Variants in RNF157 observed in about 807,000 individuals in gnomAD.
RNF157 encodes E3 ubiquitin ligase RNF157.
In RNF157, 55 loss-of-function variants were observed where a neutral mutation model predicts 88.3. The observed-to-expected ratio is 0.62, with a 90% CI of 0.50 to 0.78. The LOEUF is 0.78. Ranked by LOEUF, RNF157 falls within the 30% of genes least tolerant of loss-of-function variation. The pLI is 0.00. For synonymous variants in RNF157, 334 were observed against 341.2 expected, an observed-to-expected ratio of 0.98 and a Z score of 0.23; for missense variants, 788 against 860.8, an observed-to-expected ratio of 0.92 and a Z score of 1.06.
At position 76,167,731 on chromosome 17, in the gene RNF157, C is replaced by T. The variant is rs1275513620; in HGVS notation, c.363G>A (p.Glu121=). 1.9e-6 allele frequency: 3 copies of T among 1,614,028 alleles called. No homozygotes were observed. The highest frequency in any genetic ancestry group is 8.5e-7 in the Non-Finnish European group (1 of 1,180,012). ...ASKAKVHYNV[E]FTFDTDARVA... ...CCCGAGCATCTGTGTCAAAGGTGAA[C>T]TCAACATTGTAGTGGACTTTAGCTT... The change falls in exon 4 of 19, where the codon GAG becomes GAA. Residue 121 remains glutamate (E), a synonymous_variant. Transcript: ENST00000269391.
chr17:76,181,907 C>CA (rs36009510), intron 2 of RNF157, among the ~76,000 whole-genome samples: 13,987 of 75,508 alleles, frequency 0.19, 1,283 homozygotes, highest in African/African-American at 0.34. Flanking sequence ...GACTCTGTCT[C>CA]AAAAAAAAAA....
At chr17:76,233,679 C>T (rs2070233491) in intron 1 of RNF157, among the ~76,000 whole-genome samples, 1 of 152,082 alleles carries the variant, frequency 6.6e-6, no homozygotes. Context: ...TGATATCATG[C>T]CACCATGCCC....
rs1159266520 is a variant in RNF157 at position 76,145,257 on chromosome 17, A to G, written c.2018T>C (p.Val673Ala). The G allele has an allele frequency of 6.2e-7, 1 of 1,606,490 alleles. No homozygotes were observed. The highest frequency in any genetic ancestry group is 1.3e-5 in the African/African-American group (1 of 74,896). ...SLEDSETRPC[V>A]WGPLAV ...GGCTCAGACAGCCAAAGGGCCCCACACACAGGGCCTCGTCTCAGAGTCCTC... is the reference window on the plus strand; with the variant it reads ...GGCTCAGACAGCCAAAGGGCCCCACGCACAGGGCCTCGTCTCAGAGTCCTC... Residue 673 changes from valine to alanine, a missense_variant, in exon 19 of 19, where the codon GTG becomes GCG. Physicochemically the swap from Val to Ala is moderately conservative, Grantham distance 64. Coordinates refer to ENST00000269391, the MANE Select transcript of RNF157 (RefSeq NM_052916.3).
intron 1 of RNF157, among the ~76,000 whole-genome samples, chr17:76,224,077 T>A (rs895236653): frequency 6.6e-6 from 1 of 152,176 alleles, no homozygotes; most frequent in African/African-American, 2.4e-5. Context: ...GAGGGAGCCC[T>A]ACCCTATCAA....
At chr17:76,206,804 C>A (rs945015378) in intron 2 of RNF157, among the ~76,000 whole-genome samples, 1 of 152,232 alleles carries the variant, frequency 6.6e-6, no homozygotes, top group Middle Eastern at 3.4e-3. Flanking sequence ...CAGTGAAGAA[C>A]CCTACCTAGA....
At chr17:76,230,484 AAG>A (rs1337459688) in intron 1 of RNF157, among the ~76,000 whole-genome samples, 1 of 152,140 alleles carries the variant, frequency 6.6e-6, no homozygotes, top group East Asian at 1.9e-4. Flanking sequence ...GTTATCTTCT[AAG>A]AGTTTCCTAC....
At chr17:76,179,635 G>C (rs2069158819) in intron 2 of RNF157, among the ~76,000 whole-genome samples, 1 of 152,078 alleles carries the variant, frequency 6.6e-6, no homozygotes, top group South Asian at 2.1e-4. Flanking sequence ...GGAGGTTGCA[G>C]TGAGCTGAGC....
intron 2 of RNF157, chr17:76,202,749 C>A: frequency 1.3e-5 from 2 of 156,154 alleles, no homozygotes; most frequent in South Asian, 3.9e-4. Flanking sequence ...TCAAACAAGT[C>A]ACAACAATGA....
intron 1 of RNF157, among the ~76,000 whole-genome samples, chr17:76,217,404 T>A (rs574843223): frequency 7.2e-5 from 11 of 152,192 alleles, no homozygotes; most frequent in Non-Finnish European, 1.3e-4. Context: ...TGAACCCCTC[T>A]AGCAGCTTGC....
intron 8 of RNF157, 154 bp downstream of exon 8, chr17:76,164,594 T>C: frequency 2.0e-6 from 1 of 498,180 alleles, no homozygotes; most frequent in South Asian, 3.6e-5. Context: ...CTCCCTTTTT[T>C]TCTTTTCTTC....
chr17:76,152,254 AG>A, intron 18 of RNF157, 100 bp downstream of exon 18: 4 of 792,504 alleles, frequency 5.0e-6, no homozygotes, highest in Admixed American at 1.9e-5. Flanking sequence ...CCTTCTTGGC[AG>A]GAACTGCAGG....
At chr17:76,212,995 C>A (rs1311865496) in intron 1 of RNF157, among the ~76,000 whole-genome samples, 1 of 152,168 alleles carries the variant, frequency 6.6e-6, no homozygotes, top group East Asian at 1.9e-4. Context: ...ACCCCAGATA[C>A]CAAACGTAGA....
chr17:76,228,855 C>A (rs905937680), intron 1 of RNF157, among the ~76,000 whole-genome samples: 3 of 151,942 alleles, frequency 2.0e-5, no homozygotes, highest in Non-Finnish European at 4.4e-5. Context: ...ACCTGGGAGG[C>A]AGAGGTTGCA....
chr17:76,209,447 GT>G (rs763839965), intron 2 of RNF157, among the ~76,000 whole-genome samples: 5 of 151,526 alleles, frequency 3.3e-5, no homozygotes, highest in Admixed American at 6.6e-5. Context: ...ACAGAAACTC[GT>G]AAACTTTCTT....
chr17:76,236,642 T>C (rs1207581335), intron 1 of RNF157, among the ~76,000 whole-genome samples: 1 of 152,216 alleles, frequency 6.6e-6, no homozygotes, highest in Non-Finnish European at 1.5e-5. Context: ...TATTAATAAA[T>C]CTAAAAATCA....
chr17:76,235,679 TAAC>T lies in RNF157; in HGVS notation c.88+4471_88+4473del, dbSNP rs139254679. On this transcript the variant is annotated intron_variant, in intron 1 of 18. Transcript: ENST00000269391. ...TGACAAGAATATGTGTACTCTAAAA[TAAC>T]AAAAATTTGGAGAATGATGATGTAG... Among the ~76,000 whole-genome samples the T allele has an allele frequency of 5.5e-3, 842 of 152,284 alleles. 2 individuals carry two copies. The highest frequency in any genetic ancestry group is 0.019 in the African/African-American group (809 of 41,554).
chr17:76,202,099 C>T (rs1371233700), intron 2 of RNF157, among the ~76,000 whole-genome samples: 1 of 148,612 alleles, frequency 6.7e-6, no homozygotes, highest in Non-Finnish European at 1.5e-5. Context: ...AGGCAAATAA[C>T]CCAATCTCAG....
At chr17:76,217,582 T>G (rs563262783) in intron 1 of RNF157, among the ~76,000 whole-genome samples, 1 of 152,248 alleles carries the variant, frequency 6.6e-6, no homozygotes, top group South Asian at 2.1e-4. Flanking sequence ...AAGATGACTT[T>G]TAGACAGCTT....
chr17:76,226,511 A>C, intron 1 of RNF157: 4 of 1,612,876 alleles, frequency 2.5e-6, no homozygotes, highest in Non-Finnish European at 3.4e-6. Context: ...TATACCCAAC[A>C]GGGCACCAAA....
Sources: allele counts gnomAD v4.1 joint callset (sites outside exome capture counted in the v4.1 genomes callset), GRCh38; gene constraint gnomAD v4.1.1; transcripts MANE v1.5; gene names NCBI Gene and HGNC (gene_info 2026-07-23, HGNC 2026-07-21).